The following F13A1 variants were observed in gnomAD, a reference collection of about 807,000 sequenced individuals.
F13A1 encodes FSF, A subunit.
A neutral mutation model predicts 80.1 loss-of-function variants in F13A1; 47 were observed. That is an observed-to-expected ratio of 0.59 (90% CI 0.46 to 0.75). The LOEUF (loss-of-function observed/expected upper bound fraction) is 0.75, where lower values mean the gene tolerates loss of function less well. Ranked by LOEUF, F13A1 falls within the 30% of genes least tolerant of loss-of-function variation. The probability of loss-of-function intolerance (pLI) is 0.00; values close to 1 mark genes in which losing one functional copy is unlikely to be tolerated. For missense variants in F13A1, 817 were observed against 930.4 expected, an observed-to-expected ratio of 0.88 and a Z score of 1.59; for synonymous variants, 349 against 344.9, an observed-to-expected ratio of 1.01 and a Z score of -0.13.
chr6:6,250,919 C>T lies in F13A1; in HGVS notation c.582G>A (p.Val194=). The change falls in exon 5 of 15, where the codon GTG becomes GTA. Residue 194 remains valine (V), a synonymous_variant. Transcript: ENST00000264870. This position sits in a 1 kb window ranked among gnomAD's most constrained non-coding sequence, Gnocchi z 4.2. The part of the protein sequence containing the change: ...LFNPWCEDDA[V]YLDNEKEREE... Reference sequence around the variant, plus strand: ...CTCTTTCTTTCTCATTGTCCAGATACACAGCATCATCTGCATCAGGGTTTA... The same window carrying T: ...CTCTTTCTTTCTCATTGTCCAGATATACAGCATCATCTGCATCAGGGTTTA... 6.2e-7 allele frequency: 1 copy of T among 1,607,678 alleles called. No individual in the cohort carries two copies. The highest frequency in any genetic ancestry group is 2.2e-5 in the East Asian group (1 of 44,832).
At chr6:6,275,818 A>G (rs1360391653) in intron 3 of F13A1, among the ~76,000 whole-genome samples, 1 of 152,230 alleles carries the variant, frequency 6.6e-6, no homozygotes, top group Admixed American at 6.5e-5. Context: ...GTTAACTGCG[A>G]TACAAATTTA....
At chr6:6,238,715 C>CATATATATATATATATATATAT (rs4053228) in intron 6 of F13A1, among the ~76,000 whole-genome samples, 217 of 145,974 alleles carry the variant, frequency 1.5e-3, no homozygotes, top group African/African-American at 3.1e-3. Context: ...AAACATGCTG[C>CATATATATATATATATATATAT]ATATATATAT....
At chr6:6,167,824 A>G (rs1760704737) in intron 12 of F13A1, among the ~76,000 whole-genome samples, 1 of 152,216 alleles carries the variant, frequency 6.6e-6, no homozygotes, top group East Asian at 1.9e-4. Flanking sequence ...TTTAATATTC[A>G]TTGAAGTCTC....
intron 3 of F13A1, among the ~76,000 whole-genome samples, chr6:6,301,778 G>A (rs1396901700): frequency 6.6e-6 from 1 of 152,164 alleles, no homozygotes; most frequent in Non-Finnish European, 1.5e-5. Flanking sequence ...GTTACCCTCA[G>A]CCACAGAGAA....
chr6:6,183,781 G>A (rs1028652462), intron 10 of F13A1, among the ~76,000 whole-genome samples: 5 of 152,122 alleles, frequency 3.3e-5, no homozygotes, highest in Admixed American at 6.5e-5. Context: ...CCTGGGTTCC[G>A]ATAGTGGGTG....
chr6:6,177,719 G>A (rs1760906669), intron 11 of F13A1, among the ~76,000 whole-genome samples: 1 of 152,236 alleles, frequency 6.6e-6, no homozygotes, highest in South Asian at 2.1e-4. Flanking sequence ...AGGAGAAACA[G>A]TCTTTCCCTC....
chr6:6,309,638 A>C (rs1259093377), intron 2 of F13A1, among the ~76,000 whole-genome samples: 1 of 152,202 alleles, frequency 6.6e-6, no homozygotes, highest in Non-Finnish European at 1.5e-5. Flanking sequence ...TTTTAATTGC[A>C]TGGTGGATCC....
chr6:6,183,981 G>A (rs1761033051), intron 10 of F13A1, among the ~76,000 whole-genome samples: 1 of 152,192 alleles, frequency 6.6e-6, no homozygotes, highest in African/African-American at 2.4e-5. Context: ...AGGTAATGGG[G>A]AAACTTGAAG....
intron 8 of F13A1, among the ~76,000 whole-genome samples, chr6:6,220,559 G>GTGTC (rs893720513): frequency 1.4e-5 from 2 of 147,388 alleles, no homozygotes; most frequent in Non-Finnish European, 3.0e-5. Context: ...GTGTGTCTGT[G>GTGTC]TGTCTGTCTG....
chr6:6,180,051 C>A (rs1282168451), intron 11 of F13A1, among the ~76,000 whole-genome samples: 4 of 152,200 alleles, frequency 2.6e-5, no homozygotes, highest in Non-Finnish European at 5.9e-5. Context: ...AGACATCTGT[C>A]ATGTGGACAG....
intron 12 of F13A1, among the ~76,000 whole-genome samples, chr6:6,173,487 A>C (rs1006643042): frequency 2.7e-5 from 4 of 150,162 alleles, no homozygotes; most frequent in Admixed American, 1.3e-4. Flanking sequence ...AGCTCACTGC[A>C]ACCTCCGCCT....
rs769656856 is a variant in F13A1, at chr6:6,151,877, G to C, written c.1981C>G (p.Leu661Val). ...TCCAGGTGTACCCAGACATTTCGCA[G>C]GGTTTCTTTTAAAGGATTGGTAAAC... is the stretch of plus-strand genomic sequence containing the variant. ...VEFTNPLKET[L>V]RNVWVHLDGP... Residue 661 changes from leucine to valine, a missense_variant, in exon 14 of 15, where the codon CTG becomes GTG. By Grantham distance (32) the Leu-to-Val change is conservative (BLOSUM62 1). Coordinates refer to ENST00000264870, the MANE Select transcript of F13A1 (RefSeq NM_000129.4). The C allele has an allele frequency of 5.0e-6, 8 of 1,614,086 alleles. No individual in the cohort carries two copies. The Admixed American group carries it at 5.0e-5, about 10-fold the overall frequency.
intron 10 of F13A1, among the ~76,000 whole-genome samples, chr6:6,194,348 CAGCTTTCAACTGCCCCCACAA>C (rs952997979): frequency 2.6e-5 from 4 of 152,162 alleles, no homozygotes; most frequent in Non-Finnish European, 5.9e-5. Flanking sequence ...TGAGTCTGCA[CAGCTTTCAACTGCCCCCACAA>C]AGCTTTCAGA....
At chr6:6,223,925 T>C (rs1757236356) in intron 7 of F13A1, among the ~76,000 whole-genome samples, 1 of 152,198 alleles carries the variant, frequency 6.6e-6, no homozygotes, top group Non-Finnish European at 1.5e-5. Flanking sequence ...ATGAAAATCA[T>C]TACCAGTGAT....
At chr6:6,165,669 C>G (rs1369886391) in intron 13 of F13A1, among the ~76,000 whole-genome samples, 1 of 152,342 alleles carries the variant, frequency 6.6e-6, no homozygotes, top group South Asian at 2.1e-4. Flanking sequence ...GGGGGTCCCA[C>G]ATGTCTATAG....
At chr6:6,219,077 C>G (rs1757148769) in intron 8 of F13A1, among the ~76,000 whole-genome samples, 1 of 152,042 alleles carries the variant, frequency 6.6e-6, no homozygotes, top group South Asian at 2.1e-4. Flanking sequence ...CTCAGGTCTC[C>G]TTTACTTGGA....
intron 3 of F13A1, among the ~76,000 whole-genome samples, chr6:6,274,342 G>A (rs1757959737): frequency 6.6e-6 from 1 of 152,190 alleles, no homozygotes; most frequent in African/African-American, 2.4e-5. Context: ...GTAAATGTAA[G>A]GCGTAATTTT....
chr6:6,305,143 AT>A, intron 3 of F13A1: 2 of 631,884 alleles, frequency 3.2e-6, no homozygotes, highest in Admixed American at 5.2e-5. Flanking sequence ...TTTATATGAG[AT>A]TTTCTCCTTG....
intron 6 of F13A1, among the ~76,000 whole-genome samples, chr6:6,229,735 C>T (rs1451153692): frequency 2.0e-5 from 3 of 152,220 alleles, no homozygotes; most frequent in African/African-American, 7.2e-5. Context: ...CAGACTGCTT[C>T]TGCAGGACCC....
Sources: allele counts gnomAD v4.1 joint callset (sites outside exome capture counted in the v4.1 genomes callset), GRCh38; gene constraint gnomAD v4.1.1; non-coding constraint Gnocchi (gnomAD v3.1); transcripts MANE v1.5; gene names NCBI Gene and HGNC (gene_info 2026-07-23, HGNC 2026-07-21).